The following STARD13 variants were observed in gnomAD, a reference collection of about 807,000 sequenced individuals.
STARD13 encodes the protein StAR related lipid transfer domain containing 13, also known as stAR-related lipid transfer protein 13.
STARD13 carries 62 observed loss-of-function variants against 106.4 expected under a neutral mutation model. That is an observed-to-expected ratio of 0.58 (90% CI 0.48 to 0.72). The LOEUF is 0.72. Ranked by LOEUF, STARD13 falls within the 30% of genes least tolerant of loss-of-function variation. The probability of loss-of-function intolerance (pLI) is 0.00; values close to 1 mark genes in which losing one functional copy is unlikely to be tolerated. For missense variants in STARD13, 1,387 were observed against 1,424.0 expected, an observed-to-expected ratio of 0.97 and a Z score of 0.42; for synonymous variants, 565 against 553.0, an observed-to-expected ratio of 1.02 and a Z score of -0.31.
chr13:33,215,839 C>G (rs542637924), intron 1 of STARD13, among the ~76,000 whole-genome samples: 1 of 152,138 alleles, frequency 6.6e-6, no homozygotes, highest in Admixed American at 6.5e-5. Flanking sequence ...TATCCAGAAT[C>G]TACAACAAAC....
the STARD13 span, among the ~76,000 whole-genome samples, chr13:33,666,708 A>G: frequency 1.3e-5 from 2 of 152,104 alleles, no homozygotes; most frequent in Non-Finnish European, 2.9e-5. Context: ...TTACTGCCTC[A>G]GCCTCCCAAG....
intron 1 of STARD13, among the ~76,000 whole-genome samples, chr13:33,278,907 A>T (rs1299843624): frequency 6.6e-6 from 1 of 152,166 alleles, no homozygotes; most frequent in Non-Finnish European, 1.5e-5. Context: ...TCTATAAATG[A>T]CCTCAAATCC....
Position 33,285,669 on chromosome 13 carries a change from T to G in STARD13, c.-31A>C, listed in dbSNP as rs199536336. On this transcript the variant is annotated 5_prime_UTR_variant, in exon 1 of 14. Coordinates refer to ENST00000336934, the MANE Select transcript of STARD13 (RefSeq NM_178006.4). Reference sequence around the variant, plus strand: ...CAGATTTCCTATTGCCACCTCAGTCTGCCTGTGGCTGTTGCCGTCTGTCTC... The same window carrying G: ...CAGATTTCCTATTGCCACCTCAGTCGGCCTGTGGCTGTTGCCGTCTGTCTC... 9.4e-5 allele frequency: 151 copies of G among 1,608,370 alleles called. 1 individual carries two copies. In the South Asian group the frequency reaches 1.6e-3, roughly 17 times the overall value.
chr13:33,459,939 T>C, the STARD13 span, among the ~76,000 whole-genome samples: 1 of 152,204 alleles, frequency 6.6e-6, no homozygotes, highest in Non-Finnish European at 1.5e-5. Flanking sequence ...TTCCTCTGTA[T>C]GTAATATGTC....
At chr13:33,379,951 C>A in the STARD13 span, among the ~76,000 whole-genome samples, 4 of 152,122 alleles carry the variant, frequency 2.6e-5, no homozygotes, top group African/African-American at 9.7e-5. Context: ...TGATAAGGTC[C>A]CTGCACTCAA....
chr13:33,490,342 A>C, the STARD13 span, among the ~76,000 whole-genome samples: 882 of 152,256 alleles, frequency 5.8e-3, 8 homozygotes, highest in African/African-American at 0.019. Flanking sequence ...ATGGCCCTAA[A>C]TGAGAACAAA....
At chr13:33,139,174 T>G (rs1291933306) in intron 4 of STARD13, among the ~76,000 whole-genome samples, 2 of 152,200 alleles carry the variant, frequency 1.3e-5, no homozygotes, top group Non-Finnish European at 2.9e-5. Context: ...TGAGGAAACA[T>G]GAGACCCTTG....
At chr13:33,245,654 G>A (rs1260803504) in intron 1 of STARD13, among the ~76,000 whole-genome samples, 2 of 152,182 alleles carry the variant, frequency 1.3e-5, no homozygotes, top group Non-Finnish European at 2.9e-5. Context: ...AAATGCAGAT[G>A]ATTGATTCTG....
At position 33,329,643 on chromosome 13, in the gene STARD13, T is replaced by TTGTGTGTGTG. The variant is rs1229779802; in HGVS notation, c.124+20637_124+20646dup. Among the ~76,000 whole-genome samples, 575 of 103,980 alleles carry TTGTGTGTGTG rather than the reference T, an allele frequency of 5.5e-3. 5 individuals carry two copies. Among genetic ancestry groups the TTGTGTGTGTG allele is most frequent in the African/African-American group, 0.02 (545 of 27,444 alleles). The allele number at this position is 103,980 out of a possible 152,430, so 68.2% of individuals were successfully genotyped here. On this transcript the variant is annotated intron_variant, in intron 1 of 5. Coordinates refer to the STARD13 transcript ENST00000567873. ...TTTTTTAAACCTGAATAATATTCCA[T>TTGTGTGTGTG]TGTGTGTGTGTATGTGTGTGTGTGT...
intron 1 of STARD13, chr13:33,186,016 C>G: frequency 6.2e-7 from 1 of 1,614,144 alleles, no homozygotes; most frequent in Non-Finnish European, 8.5e-7. Context: ...GAGGAGGGTT[C>G]CAGCATGGAG....
the STARD13 span, among the ~76,000 whole-genome samples, chr13:33,564,106 A>C: frequency 7.0e-6 from 1 of 143,566 alleles, no homozygotes; most frequent in Non-Finnish European, 1.5e-5. Context: ...CAGAAGAATC[A>C]CTTGAACCCG....
At chr13:33,608,857 C>T in the STARD13 span, among the ~76,000 whole-genome samples, 8 of 152,082 alleles carry the variant, frequency 5.3e-5, no homozygotes, top group East Asian at 3.9e-4. Context: ...GAGGCCGAGG[C>T]GGGAGGATCA....
At chr13:33,162,468 T>C (rs1405177846) in intron 3 of STARD13, among the ~76,000 whole-genome samples, 1 of 152,246 alleles carries the variant, frequency 6.6e-6, no homozygotes, top group Admixed American at 6.5e-5. Flanking sequence ...GTTTTTCTTT[T>C]CTACTGCATC....
chr13:33,414,047 A>AAAAAAAAAAAAAAAAAAAG, the STARD13 span, among the ~76,000 whole-genome samples: 17 of 143,676 alleles, frequency 1.2e-4, no homozygotes, highest in East Asian at 1.1e-3. Context: ...AAAAAAAAAA[A>AAAAAAAAAAAAAAAAAAAG]AAAGAAAAGA....
chr13:33,110,478 C>T (rs913262967), intron 11 of STARD13, among the ~76,000 whole-genome samples: 1 of 152,066 alleles, frequency 6.6e-6, no homozygotes, highest in East Asian at 1.9e-4. Context: ...GAGACAGGAC[C>T]GGGATCCAGC....
chr13:33,169,432 T>A (rs1235870757), intron 1 of STARD13, among the ~76,000 whole-genome samples: 1 of 152,140 alleles, frequency 6.6e-6, no homozygotes, highest in Admixed American at 6.6e-5. Context: ...ATGTGGTGAG[T>A]TGCTCCTGAG....
chr13:33,466,377 C>G, the STARD13 span, among the ~76,000 whole-genome samples: 375 of 152,000 alleles, frequency 2.5e-3, 2 homozygotes, highest in African/African-American at 8.8e-3. Flanking sequence ...AATAAAATAC[C>G]CTGCATCCCT....
At chr13:33,272,570 T>C (rs1268183823) in intron 1 of STARD13, 2 of 152,200 alleles carry the variant, frequency 1.3e-5, no homozygotes, top group African/African-American at 4.8e-5. Context: ...CCCTGAGTCT[T>C]TTCATGGGTG....
intron 1 of STARD13, among the ~76,000 whole-genome samples, chr13:33,249,872 C>T (rs1411480025): frequency 5.3e-5 from 8 of 152,144 alleles, no homozygotes; most frequent in Non-Finnish European, 1.2e-4. Flanking sequence ...TCACTGCAAC[C>T]TCTACCTCCC....
Sources: allele counts gnomAD v4.1 joint callset (sites outside exome capture counted in the v4.1 genomes callset), GRCh38; gene constraint gnomAD v4.1.1; transcripts MANE v1.5; gene names NCBI Gene and HGNC (gene_info 2026-07-23, HGNC 2026-07-21).